HELQ: variants seen among roughly 807,000 people sequenced by gnomAD.
HELQ encodes the protein helicase, POLQ like.
A neutral mutation model predicts 111.6 loss-of-function variants in HELQ; 77 were observed. The ratio of observed to expected loss-of-function variants is 0.69; its 90% CI spans 0.57 to 0.83. HELQ has a LOEUF of 0.83. Ranked by LOEUF, HELQ falls within the 40% of genes least tolerant of loss-of-function variation. The pLI is 0.00. For synonymous variants in HELQ, 438 were observed against 454.7 expected (o/e 0.96, Z 0.47); for missense variants, 1,200 against 1,288.5 (o/e 0.93, Z 1.05).
At chr4:83,441,247 T>C (rs1287174275) in intron 7 of HELQ, 58 bp downstream of exon 7, 3 of 931,924 alleles carry the variant, frequency 3.2e-6, no homozygotes, top group Non-Finnish European at 5.2e-6. Flanking sequence ...TTGGAAACTC[T>C]TGTTGTGCCC....
chr4:83,435,968 C>T (rs561995864), intron 9 of HELQ, among the ~76,000 whole-genome samples: 51 of 101,036 alleles, frequency 5.0e-4, no homozygotes, highest in Non-Finnish European at 7.7e-4. Context: ...AAGGTACATA[C>T]GTGGCAAAAA....
In HELQ at chr4:83,421,671, C is replaced by T. The variant is rs758396867; in HGVS notation, c.2841G>A (p.Glu947=). ...LSFVLYTLLK[E]TNIWTVSEKF... ...TTTCAGATACAGTCCAAATGTTGGTCTCTTTGAGCAAGGTATAAAGAACAA... is the reference window on the plus strand; with the variant it reads ...TTTCAGATACAGTCCAAATGTTGGTTTCTTTGAGCAAGGTATAAAGAACAA... Residue 947 remains glutamate, a synonymous_variant, in exon 15 of 18, where the codon GAG becomes GAA. Transcript: ENST00000295488. 6.2e-7 allele frequency: 1 copy of T among 1,613,598 alleles called. No homozygotes were observed. The highest frequency in any genetic ancestry group is 8.5e-7 in the Non-Finnish European group (1 of 1,179,644).
intron 5 of HELQ, among the ~76,000 whole-genome samples, chr4:83,445,398 A>G (rs1244097186): frequency 6.6e-6 from 1 of 152,202 alleles, no homozygotes; most frequent in East Asian, 1.9e-4. Context: ...GAAATTTTTT[A>G]AATACTTTTT....
chr4:83,417,827 A>G (rs1004384938), intron 16 of HELQ, among the ~76,000 whole-genome samples: 2 of 152,262 alleles, frequency 1.3e-5, no homozygotes, highest in African/African-American at 4.8e-5. Flanking sequence ...CCGGTAGCAC[A>G]ACATACTTGG....
At chr4:83,442,532 C>T (rs1720826986) in intron 6 of HELQ, among the ~76,000 whole-genome samples, 1 of 150,822 alleles carries the variant, frequency 6.6e-6, no homozygotes, top group South Asian at 2.1e-4. Flanking sequence ...CTGCCTCAGC[C>T]TCCAGAGTAG....
chr4:83,455,268 C>T (rs1578113089), intron 1 of HELQ, 129 bp downstream of exon 1: 1 of 1,507,620 alleles, frequency 6.6e-7, no homozygotes, highest in East Asian at 2.3e-5. Context: ...GCAATCAATA[C>T]CTCCTAAGTG....
intron 12 of HELQ, among the ~76,000 whole-genome samples, chr4:83,429,008 T>C (rs1439952258): frequency 3.3e-5 from 5 of 152,222 alleles, no homozygotes; most frequent in Admixed American, 2.6e-4. Context: ...ATGCCTACCT[T>C]ATTCTCTATA....
At chr4:83,436,074 T>C (rs1484819909) in intron 9 of HELQ, among the ~76,000 whole-genome samples, 3 of 152,124 alleles carry the variant, frequency 2.0e-5, no homozygotes, top group African/African-American at 7.2e-5. Context: ...AATAAGATAT[T>C]TGAAGTAAAC....
At position 83,436,960 on chromosome 4, in the gene HELQ, C is replaced by T; in HGVS notation, c.1946G>A (p.Ser649Asn). ...CTCCTCCAAGAGTTTCCTTTCATCA[C>T]TTGTTAAGCCACTGTGGTGATAGGC... The part of the protein sequence containing the change: ...GVAYHHSGLT[S>N]DERKLLEEAY... Residue 649 changes from serine (S) to asparagine (N), a missense_variant, in exon 9 of 18, where the codon AGT becomes AAT. By Grantham distance (46) the Ser-to-Asn change is conservative. Transcript: ENST00000295488. The T allele has an allele frequency of 6.2e-7, 1 of 1,614,200 alleles. No individual in the cohort carries two copies. The highest frequency in any genetic ancestry group is 8.5e-7 in the Non-Finnish European group (1 of 1,180,026).
intron 6 of HELQ, among the ~76,000 whole-genome samples, chr4:83,442,338 G>A (rs1175166819): frequency 7.5e-6 from 1 of 133,632 alleles, no homozygotes; most frequent in Admixed American, 8.9e-5. Context: ...CACAAACACA[G>A]CTTACTGTAT....
At chr4:83,449,883 C>T (rs186855059) in intron 2 of HELQ, among the ~76,000 whole-genome samples, 96 of 142,312 alleles carry the variant, frequency 6.7e-4, no homozygotes, top group African/African-American at 2.4e-3. Context: ...AAAAAAAAAG[C>T]CCCACACATG....
chr4:83,432,073 A>C, intron 10 of HELQ, 53 bp downstream of exon 10: 1 of 1,248,338 alleles, frequency 8.0e-7, no homozygotes, highest in Non-Finnish European at 1.1e-6. Context: ...AAAGGGCTAG[A>C]CCAACAACCA....
intron 17 of HELQ, 30 bp downstream of exon 17, chr4:83,416,701 T>C (rs370849834): frequency 6.2e-7 from 1 of 1,607,208 alleles, no homozygotes; most frequent in African/African-American, 1.3e-5. Context: ...CGCAAGATTA[T>C]TAAGGTTAAA....
intron 14 of HELQ, 73 bp from the exon 15 acceptor site, chr4:83,421,809 G>A (rs2109974310): frequency 8.4e-7 from 1 of 1,194,504 alleles, no homozygotes; most frequent in East Asian, 2.4e-5. Context: ...TTGGACAAAA[G>A]GAAAACTGAA....
chr4:83,438,562 GA>G (rs1720585326), intron 8 of HELQ, among the ~76,000 whole-genome samples: 1 of 151,952 alleles, frequency 6.6e-6, no homozygotes, highest in Non-Finnish European at 1.5e-5. Flanking sequence ...GCAACATGGT[GA>G]AATACTATCT....
intron 11 of HELQ, among the ~76,000 whole-genome samples, chr4:83,430,423 C>A (rs1560547135): frequency 6.6e-6 from 1 of 152,138 alleles, no homozygotes; most frequent in African/African-American, 2.4e-5. Context: ...TCATTCCTAT[C>A]TCCATTTCTT....
At chr4:83,440,857 G>A (rs1012008561) in intron 7 of HELQ, among the ~76,000 whole-genome samples, 1 of 152,108 alleles carries the variant, frequency 6.6e-6, no homozygotes, top group Admixed American at 6.6e-5. Flanking sequence ...TAATAAATAC[G>A]TACTTCCTCA....
chr4:83,417,833 C>T (rs7679706), intron 16 of HELQ, among the ~76,000 whole-genome samples: 11,567 of 151,752 alleles, frequency 0.076, 1,493 homozygotes, highest in African/African-American at 0.26. Flanking sequence ...GCACAACATA[C>T]TTGGAGACAG....
chr4:83,450,702 A>G (rs544417880), intron 2 of HELQ, among the ~76,000 whole-genome samples: 126 of 151,850 alleles, frequency 8.3e-4, no homozygotes, highest in African/African-American at 2.7e-3. Flanking sequence ...ACAATGGCTC[A>G]TATCTGTAAT....
Sources: allele counts gnomAD v4.1 joint callset (sites outside exome capture counted in the v4.1 genomes callset), GRCh38; gene constraint gnomAD v4.1.1; transcripts MANE v1.5; gene names NCBI Gene and HGNC (gene_info 2026-07-23, HGNC 2026-07-21).